Variants in HNRNPM observed in about 807,000 individuals in gnomAD.
HNRNPM encodes CEA receptor.
Under a neutral mutation model 73.1 loss-of-function variants are expected in HNRNPM, and 11 were observed. The observed-to-expected ratio is 0.15, with a 90% CI of 0.09 to 0.25. The LOEUF is 0.25. HNRNPM is among the 10% of genes least tolerant of loss of function. The pLI, the probability that HNRNPM is intolerant of heterozygous loss-of-function variation, is 1.00. For synonymous variants in HNRNPM, 407 were observed against 355.2 expected, an observed-to-expected ratio of 1.15 and a Z score of -1.64; for missense variants, 789 against 1,067.9, an observed-to-expected ratio of 0.74 and a Z score of 3.64.
In HNRNPM at chr19:8,483,144, C is replaced by T. The variant is rs201838531; in HGVS notation, c.1121-14C>T. ...GGAATTTGGCTAATTTTTTTTTCTT[C>T]CTGATTTCCTTAGAAATCCTAAGTA... On this transcript the variant is annotated splice_polypyrimidine_tract_variant and intron_variant, in intron 12 of 15. Transcript: ENST00000325495. 5.0e-4 allele frequency: 796 copies of T among 1,592,852 alleles called. 2 individuals carry two copies. Among genetic ancestry groups the T allele is most frequent in the Non-Finnish European group, 5.5e-4 (645 of 1,166,048 alleles).
intron 13 of HNRNPM, 36 bp from the exon 14 acceptor site, chr19:8,485,564 GTTC>G: frequency 6.3e-7 from 1 of 1,574,998 alleles, no homozygotes; most frequent in South Asian, 1.1e-5. Flanking sequence ...GCACACTCAA[GTTC>G]TTGACACCCA....
At chr19:8,466,136 A>C in intron 6 of HNRNPM, 99 bp from the exon 7 acceptor site, 2 of 1,179,250 alleles carry the variant, frequency 1.7e-6, no homozygotes, top group Non-Finnish European at 2.4e-6. Flanking sequence ...ATTTCCTAAT[A>C]CTTTTTTCCA....
intron 12 of HNRNPM, among the ~76,000 whole-genome samples, chr19:8,480,521 G>A (rs988493812): frequency 1.3e-5 from 2 of 151,672 alleles, no homozygotes; most frequent in African/African-American, 4.8e-5. Flanking sequence ...AAAAAATTTA[G>A]CCGGGCGTGG....
intron 6 of HNRNPM, among the ~76,000 whole-genome samples, chr19:8,465,797 T>C (rs1357817758): frequency 1.3e-5 from 2 of 152,162 alleles, no homozygotes; most frequent in East Asian, 3.8e-4. Flanking sequence ...TATGCAGTTT[T>C]GGTGCAGAGT....
intron 2 of HNRNPM, 151 bp downstream of exon 2, chr19:8,455,725 GTTTT>G (rs375350473): frequency 2.4e-6 from 1 of 413,264 alleles, no homozygotes; most frequent in South Asian, 4.7e-5. Flanking sequence ...CCCCACCTCA[GTTTT>G]TTTTTTTTGT....
At chr19:8,446,931 G>T (rs1194141054) in intron 1 of HNRNPM, among the ~76,000 whole-genome samples, 1 of 152,188 alleles carries the variant, frequency 6.6e-6, no homozygotes, top group Non-Finnish European at 1.5e-5. Context: ...ATCTACGGAA[G>T]CTGGTAGGAT....
At chr19:8,450,727 AT>A (rs770745543) in intron 1 of HNRNPM, among the ~76,000 whole-genome samples, 96 of 125,386 alleles carry the variant, frequency 7.7e-4, no homozygotes, top group African/African-American at 2.2e-3. Context: ...TATTATTATT[AT>A]TTTTTTTTTT....
chr19:8,463,776 G>A (rs1441080419), intron 5 of HNRNPM, 90 bp downstream of exon 5: 14 of 868,426 alleles, frequency 1.6e-5, no homozygotes, highest in Admixed American at 2.2e-5. Context: ...GGTCCCAGAC[G>A]GCATTTACAA....
intron 5 of HNRNPM, among the ~76,000 whole-genome samples, chr19:8,464,506 G>A (rs953873768): frequency 1.3e-4 from 19 of 151,472 alleles, no homozygotes; most frequent in Admixed American, 6.6e-5. Context: ...AGTGGGGGGT[G>A]CCTGTAATCC....
Position 8,476,806 on chromosome 19 carries a change from G to A in HNRNPM, c.1120+2562G>A, listed in dbSNP as rs867916853. On this transcript the variant is annotated intron_variant, in intron 12 of 15. Coordinates refer to ENST00000325495, the MANE Select transcript of HNRNPM (RefSeq NM_005968.5). ...CTTCTTGCAGACAGGTGGCAGGATG[G>A]AAGGAGAGCAGCAGAACTCCATGAG... Among the ~76,000 whole-genome samples, 8 of 152,286 alleles carry A rather than the reference G, an allele frequency of 5.3e-5. No individual in the cohort carries two copies. In the South Asian group the frequency reaches 1.2e-3, roughly 24 times the overall value.
chr19:8,456,010 G>A (rs986027061), intron 2 of HNRNPM, among the ~76,000 whole-genome samples: 3 of 142,998 alleles, frequency 2.1e-5, no homozygotes, highest in African/African-American at 7.8e-5. Context: ...TTTTGTGGAT[G>A]TCTTCCTGGG....
chr19:8,478,199 T>G (rs545167472), intron 12 of HNRNPM, among the ~76,000 whole-genome samples: 6 of 152,208 alleles, frequency 3.9e-5, no homozygotes, highest in Non-Finnish European at 7.3e-5. Flanking sequence ...GATGGACTTA[T>G]GTTAGGTAGG....
intron 2 of HNRNPM, among the ~76,000 whole-genome samples, chr19:8,457,388 T>A (rs1487656985): frequency 6.6e-6 from 1 of 152,192 alleles, no homozygotes; most frequent in Non-Finnish European, 1.5e-5. Flanking sequence ...TTGGGATACT[T>A]CCAAACTGGT....
intron 1 of HNRNPM, chr19:8,445,352 C>T (rs980813929): frequency 7.9e-6 from 3 of 378,556 alleles, no homozygotes; most frequent in Non-Finnish European, 1.4e-5. Context: ...CAGGCCGGGG[C>T]CAACCCCGTA....
At chr19:8,460,085 A>G (rs1218148782) in intron 2 of HNRNPM, among the ~76,000 whole-genome samples, 1 of 152,068 alleles carries the variant, frequency 6.6e-6, no homozygotes, top group African/African-American at 2.4e-5. Flanking sequence ...CCAAGCTGTC[A>G]CCTCTACCCC....
chr19:8,453,772 C>G (rs553123361), intron 1 of HNRNPM, among the ~76,000 whole-genome samples: 1 of 152,300 alleles, frequency 6.6e-6, no homozygotes, highest in South Asian at 2.1e-4. Flanking sequence ...TAATCTGTGC[C>G]TCCCTGTAGT....
intron 7 of HNRNPM, among the ~76,000 whole-genome samples, chr19:8,467,171 A>C (rs1385613441): frequency 2.6e-5 from 4 of 152,150 alleles, no homozygotes; most frequent in African/African-American, 4.8e-5. Context: ...CTCAGACAAG[A>C]CCGTCACTGC....
intron 1 of HNRNPM, among the ~76,000 whole-genome samples, chr19:8,454,135 T>G (rs552297051): frequency 1.3e-5 from 2 of 152,350 alleles, no homozygotes; most frequent in East Asian, 1.9e-4. Flanking sequence ...CCATCTTAAG[T>G]GTGCAGTGAA....
chr19:8,488,965 C>T lies in HNRNPM; in HGVS notation c.*111C>T, dbSNP rs1971514243. ...TAAAGATGTTTAAAAAATTCAGTTGCTTTTTGGGGTAATTTGAATTACTTT... is the reference window on the plus strand; with the variant it reads ...TAAAGATGTTTAAAAAATTCAGTTGTTTTTTGGGGTAATTTGAATTACTTT... On this transcript the variant is annotated 3_prime_UTR_variant, in exon 16 of 16. Coordinates refer to ENST00000325495, the MANE Select transcript of HNRNPM (RefSeq NM_005968.5). The T allele has an allele frequency of 2.0e-6, 2 of 994,970 alleles. No individual in the cohort carries two copies. The highest frequency in any genetic ancestry group is 1.6e-5 in the African/African-American group (1 of 62,532). The allele number at this position is 994,970 out of a possible 1,614,324, so 61.6% of individuals were successfully genotyped here. A position where few individuals can be genotyped will look rare whatever the true frequency, so the allele number is the denominator to read the frequency against.
Sources: allele counts gnomAD v4.1 joint callset (sites outside exome capture counted in the v4.1 genomes callset), GRCh38; gene constraint gnomAD v4.1.1; transcripts MANE v1.5; gene names NCBI Gene and HGNC (gene_info 2026-07-23, HGNC 2026-07-21).